B3GALT1: variants seen among roughly 807,000 people sequenced by gnomAD.
The protein encoded by B3GALT1 is beta-1,3-galactosyltransferase 1.
In B3GALT1, 10 loss-of-function variants were observed where a neutral mutation model predicts 23.2. The observed-to-expected ratio is 0.43, with a 90% confidence interval of 0.27 to 0.73. The LOEUF (loss-of-function observed/expected upper bound fraction) is 0.73, where lower values mean the gene tolerates loss of function less well. Ranked by LOEUF, B3GALT1 falls within the 30% of genes least tolerant of loss-of-function variation. The pLI, the probability that B3GALT1 is intolerant of heterozygous loss-of-function variation, is 0.21. For missense variants in B3GALT1, 299 were observed against 405.4 expected (o/e 0.74, Z 2.25); for synonymous variants, 156 against 141.5 (o/e 1.10, Z -0.73).
chr2:167,324,054 C>T (rs1230850523), intron 1 of B3GALT1, among the ~76,000 whole-genome samples: 1 of 151,930 alleles, frequency 6.6e-6, no homozygotes, highest in Non-Finnish European at 1.5e-5. Context: ...GTGCTGTGGG[C>T]TCACATGTGA....
intron 4 of B3GALT1, among the ~76,000 whole-genome samples, chr2:167,866,650 C>T (rs1690223764): frequency 6.6e-6 from 1 of 152,158 alleles, no homozygotes; most frequent in Non-Finnish European, 1.5e-5. Flanking sequence ...AAAAATCCTC[C>T]ATTAACAGCC....
At chr2:167,612,043 C>T (rs1431901) in intron 2 of B3GALT1, among the ~76,000 whole-genome samples, 1 of 151,892 alleles carries the variant, frequency 6.6e-6, no homozygotes, top group African/African-American at 2.4e-5. Context: ...ATGAAAATGT[C>T]TTCATATATA....
intron 2 of B3GALT1, among the ~76,000 whole-genome samples, chr2:167,560,517 A>G (rs933480704): frequency 3.3e-5 from 5 of 152,240 alleles, no homozygotes; most frequent in Admixed American, 1.3e-4. Context: ...TGGCAAATTG[A>G]ATAAAGAGTC....
chr2:167,680,027 A>G (rs1474622357), intron 3 of B3GALT1, among the ~76,000 whole-genome samples: 2 of 152,194 alleles, frequency 1.3e-5, no homozygotes, highest in African/African-American at 4.8e-5. Flanking sequence ...AACCGTATCA[A>G]TGTCTAAGTT....
intron 3 of B3GALT1, among the ~76,000 whole-genome samples, chr2:167,744,004 T>G (rs1369691172): frequency 1.3e-5 from 2 of 152,106 alleles, no homozygotes; most frequent in Non-Finnish European, 2.9e-5. Context: ...ACTAAAAAGG[T>G]TTTGATTTAT....
intron 4 of B3GALT1, among the ~76,000 whole-genome samples, chr2:167,837,008 A>C (rs1456290345): frequency 6.6e-6 from 1 of 152,194 alleles, no homozygotes; most frequent in Non-Finnish European, 1.5e-5. Flanking sequence ...GGCCTGCCCT[A>C]AAAGAGCTCC....
At chr2:167,710,336 T>G (rs146561939) in intron 3 of B3GALT1, among the ~76,000 whole-genome samples, 1 of 152,340 alleles carries the variant, frequency 6.6e-6, no homozygotes, top group African/African-American at 2.4e-5. Context: ...CAGTAGGGTG[T>G]CAATCCACAG....
At chr2:167,811,992 G>A (rs1688898852) in intron 3 of B3GALT1, among the ~76,000 whole-genome samples, 1 of 152,118 alleles carries the variant, frequency 6.6e-6, no homozygotes. Context: ...ACAGATGTTG[G>A]ACTATTCTCT....
intron 1 of B3GALT1, among the ~76,000 whole-genome samples, chr2:167,429,485 A>C (rs1404788021): frequency 6.6e-6 from 1 of 152,154 alleles, no homozygotes; most frequent in Non-Finnish European, 1.5e-5. Flanking sequence ...ACATGAACCA[A>C]GTATCTAGAG....
intron 1 of B3GALT1, among the ~76,000 whole-genome samples, chr2:167,435,129 A>C (rs1299944345): frequency 1.3e-5 from 2 of 152,076 alleles, no homozygotes; most frequent in Non-Finnish European, 2.9e-5. Flanking sequence ...TGAATAACTT[A>C]AAAAGGCAAA....
intron 1 of B3GALT1, among the ~76,000 whole-genome samples, chr2:167,318,781 A>C (rs1356362937): frequency 6.6e-6 from 1 of 151,964 alleles, no homozygotes; most frequent in Admixed American, 6.6e-5. Context: ...CCTGGGAGAA[A>C]TGTTCAGCTG....
intron 3 of B3GALT1, among the ~76,000 whole-genome samples, chr2:167,728,014 G>A (rs1687347175): frequency 6.6e-6 from 1 of 152,130 alleles, no homozygotes; most frequent in African/African-American, 2.4e-5. Context: ...CTGGAGATTT[G>A]GCTATTTCTA....
chr2:167,567,730 A>C (rs2105397557), intron 2 of B3GALT1, among the ~76,000 whole-genome samples: 1 of 152,240 alleles, frequency 6.6e-6, no homozygotes, highest in South Asian at 2.1e-4. Flanking sequence ...ATCTACACTG[A>C]AACAACATTA....
At position 167,809,706 on chromosome 2, in the gene B3GALT1, C is replaced by T. The variant is rs1443807457; in HGVS notation, c.-351-8966C>T. ...TCAGTCTGCCCCTACTGGGGGGTGC[C>T]TCCCAGTTAGGCTACTCGGGGGTCA... On this transcript the variant is annotated intron_variant, in intron 3 of 4. Coordinates refer to ENST00000392690, the MANE Select transcript of B3GALT1 (RefSeq NM_020981.4). 2.0e-5 allele frequency among the ~76,000 whole-genome samples: 3 copies of T among 152,184 alleles called. No individual in the cohort carries two copies. The South Asian group carries it at 6.2e-4, about 32-fold the overall frequency.
chr2:167,581,586 T>C (rs1684484021), intron 2 of B3GALT1, among the ~76,000 whole-genome samples: 1 of 152,222 alleles, frequency 6.6e-6, no homozygotes, highest in Non-Finnish European at 1.5e-5. Context: ...TGTGAACAAG[T>C]GTTTTCTGAT....
chr2:167,446,875 C>A (rs186569748), intron 1 of B3GALT1, among the ~76,000 whole-genome samples: 1 of 152,208 alleles, frequency 6.6e-6, no homozygotes, highest in Non-Finnish European at 1.5e-5. Context: ...CAAAGTCATT[C>A]TCCATCCAAC....
chr2:167,624,389 G>A (rs1558928277), intron 2 of B3GALT1, among the ~76,000 whole-genome samples: 2 of 152,024 alleles, frequency 1.3e-5, no homozygotes, highest in East Asian at 3.9e-4. Flanking sequence ...TGAAGAACAG[G>A]AAAGGAAATT....
chr2:167,661,501 A>G (rs1686059781), intron 3 of B3GALT1, among the ~76,000 whole-genome samples: 1 of 152,068 alleles, frequency 6.6e-6, no homozygotes, highest in Non-Finnish European at 1.5e-5. Flanking sequence ...AACTTAACTT[A>G]CTGACATTTG....
intron 3 of B3GALT1, among the ~76,000 whole-genome samples, chr2:167,782,685 GA>G (rs1401720791): frequency 1.3e-5 from 2 of 152,140 alleles, no homozygotes; most frequent in African/African-American, 4.8e-5. Flanking sequence ...TCCTGGGGGG[GA>G]AAGTTATTTT....
Sources: allele counts gnomAD v4.1 joint callset (sites outside exome capture counted in the v4.1 genomes callset), GRCh38; gene constraint gnomAD v4.1.1; transcripts MANE v1.5; gene names NCBI Gene and HGNC (gene_info 2026-07-23, HGNC 2026-07-21).